Variants in AKAP6 observed in about 807,000 individuals in gnomAD.
AKAP6 encodes the protein A-kinase anchoring protein 6, also known as A-kinase anchor protein 6.
AKAP6 carries 58 observed loss-of-function variants against 188.5 expected under a neutral mutation model. That is an observed-to-expected ratio of 0.31 (90% CI 0.25 to 0.38). The LOEUF is 0.38. Among genes scored for constraint, AKAP6 ranks in the 10% least tolerant of loss-of-function variants. The probability of loss-of-function intolerance (pLI) is 1.00; values close to 1 mark genes in which losing one functional copy is unlikely to be tolerated. For missense variants in AKAP6, 2,710 were observed against 2,740.0 expected (o/e 0.99, Z 0.24); for synonymous variants, 989 against 998.6 (o/e 0.99, Z 0.18).
At chr14:32,715,141 T>G (rs544860624) in intron 9 of AKAP6, among the ~76,000 whole-genome samples, 1 of 152,146 alleles carries the variant, frequency 6.6e-6, no homozygotes, top group Admixed American at 6.6e-5. Flanking sequence ...CAAATTCAAC[T>G]AACAATTTAT....
intron 2 of AKAP6, among the ~76,000 whole-genome samples, chr14:32,513,246 T>G (rs1881348868): frequency 1.3e-5 from 2 of 152,182 alleles, no homozygotes; most frequent in African/African-American, 4.8e-5. Context: ...TCAATCAAAT[T>G]AAAAAGGAGA....
chr14:32,557,016 C>A (rs999889410), intron 4 of AKAP6, among the ~76,000 whole-genome samples: 1 of 151,958 alleles, frequency 6.6e-6, no homozygotes, highest in East Asian at 1.9e-4. Flanking sequence ...AAGGCTAAGA[C>A]CAAGTCATCT....
intron 7 of AKAP6, among the ~76,000 whole-genome samples, chr14:32,602,806 G>A (rs1302846379): frequency 6.6e-6 from 1 of 152,148 alleles, no homozygotes; most frequent in Admixed American, 6.5e-5. Flanking sequence ...ACTTCCTTAA[G>A]GTCGCACAGC....
Position 32,624,635 on chromosome 14 carries a change from G to C in AKAP6, c.2730+23843G>C, listed in dbSNP as rs186404242. On this transcript the variant is annotated intron_variant, in intron 7 of 13. Transcript: ENST00000280979. ...TTAAGGCCAGAAAAATATAGGCAGA[G>C]AAATATAAGAAAACATACTTCTTTC... Among the ~76,000 whole-genome samples the C allele has an allele frequency of 3.3e-3, 499 of 152,154 alleles. 2 individuals are homozygous for C. Among genetic ancestry groups the C allele is most frequent in the African/African-American group, 0.011 (453 of 41,552 alleles).
At chr14:32,602,502 C>CAAAATTTTTTT (rs1255078039) in intron 7 of AKAP6, among the ~76,000 whole-genome samples, 3 of 152,074 alleles carry the variant, frequency 2.0e-5, no homozygotes, top group African/African-American at 7.2e-5. Flanking sequence ...CTCTAAAAAA[C>CAAAATTTTTTT]AAGTCAAAAA....
chr14:32,472,089 A>G (rs909769869), intron 2 of AKAP6, among the ~76,000 whole-genome samples: 102 of 152,262 alleles, frequency 6.7e-4, no homozygotes, highest in African/African-American at 2.3e-3. Flanking sequence ...TATTGGGGTG[A>G]GTTCTTGGGA....
chr14:32,464,626 C>T (rs569908527), intron 2 of AKAP6, among the ~76,000 whole-genome samples: 46 of 152,210 alleles, frequency 3.0e-4, no homozygotes, highest in African/African-American at 1.1e-3. Flanking sequence ...ATGACAAACC[C>T]GTAACCAACA....
At chr14:32,504,718 A>G (rs1880779249) in intron 2 of AKAP6, among the ~76,000 whole-genome samples, 1 of 152,196 alleles carries the variant, frequency 6.6e-6, no homozygotes. Context: ...TTTCTTCCCA[A>G]TAGTTACTCC....
At chr14:32,763,771 G>C (rs929895374) in intron 11 of AKAP6, among the ~76,000 whole-genome samples, 1 of 152,090 alleles carries the variant, frequency 6.6e-6, no homozygotes, top group Non-Finnish European at 1.5e-5. Flanking sequence ...TTAAGTTCCA[G>C]GGTTTGCAAC....
chr14:32,765,956 A>G (rs1239500854), intron 11 of AKAP6, among the ~76,000 whole-genome samples: 1 of 152,142 alleles, frequency 6.6e-6, no homozygotes, highest in Non-Finnish European at 1.5e-5. Context: ...ATACCAGAAA[A>G]TCTTATTTCA....
intron 7 of AKAP6, among the ~76,000 whole-genome samples, chr14:32,668,523 G>A (rs985132683): frequency 2.0e-5 from 3 of 152,022 alleles, no homozygotes; most frequent in Non-Finnish European, 4.4e-5. Flanking sequence ...ATATCATTAA[G>A]GAAACAGCTT....
chr14:32,685,443 C>T (rs7149055), intron 8 of AKAP6, among the ~76,000 whole-genome samples: 5 of 151,644 alleles, frequency 3.3e-5, no homozygotes, highest in East Asian at 2.0e-4. Context: ...GAGGTCTGGC[C>T]GGGTGCGGTG....
chr14:32,821,336 A>G, intron 12 of AKAP6, 66 bp from the exon 13 acceptor site: 4 of 1,499,974 alleles, frequency 2.7e-6, no homozygotes, highest in East Asian at 4.6e-5. Flanking sequence ...GAGATTTTCA[A>G]TGGATAAAAT....
chr14:32,391,384 T>G (rs1386844151), intron 1 of AKAP6, among the ~76,000 whole-genome samples: 1 of 152,212 alleles, frequency 6.6e-6, no homozygotes, highest in Admixed American at 6.5e-5. Flanking sequence ...AATCTTGCAG[T>G]GTCTTCAACA....
intron 1 of AKAP6, among the ~76,000 whole-genome samples, chr14:32,329,909 G>T (rs112859382): frequency 5.3e-5 from 8 of 152,216 alleles, no homozygotes; most frequent in African/African-American, 1.4e-4. Context: ...ACATAACCCT[G>T]ATGTGAAAGG....
At chr14:32,752,790 C>A (rs1399327800) in intron 11 of AKAP6, among the ~76,000 whole-genome samples, 2 of 152,108 alleles carry the variant, frequency 1.3e-5, no homozygotes, top group Non-Finnish European at 2.9e-5. Flanking sequence ...ATTTGTCTTT[C>A]TGTGCCTGGC....
intron 11 of AKAP6, among the ~76,000 whole-genome samples, chr14:32,764,727 C>CA (rs1327182639): frequency 1.3e-5 from 2 of 151,990 alleles, no homozygotes; most frequent in Non-Finnish European, 1.5e-5. Flanking sequence ...CGCACACACA[C>CA]ATATTGTAGT....
chr14:32,828,425 C>T (rs1169038385), intron 13 of AKAP6, among the ~76,000 whole-genome samples: 1 of 151,976 alleles, frequency 6.6e-6, no homozygotes, highest in East Asian at 1.9e-4. Context: ...TGTGAAGTGT[C>T]TTTAAATTAT....
intron 2 of AKAP6, among the ~76,000 whole-genome samples, chr14:32,481,748 T>C (rs1002943793): frequency 6.6e-6 from 1 of 152,162 alleles, no homozygotes; most frequent in Non-Finnish European, 1.5e-5. Context: ...AATTTCCTTC[T>C]GTAAACAAGC....
Sources: allele counts gnomAD v4.1 joint callset (sites outside exome capture counted in the v4.1 genomes callset), GRCh38; gene constraint gnomAD v4.1.1; transcripts MANE v1.5; gene names NCBI Gene and HGNC (gene_info 2026-07-23, HGNC 2026-07-21).